Variants in SHISA6 observed in about 807,000 individuals in gnomAD.
The protein encoded by SHISA6 is shisa family member 6.
In SHISA6, 22 loss-of-function variants were observed where a neutral mutation model predicts 47.9. The ratio of observed to expected loss-of-function variants is 0.46; its 90% CI spans 0.33 to 0.66. The LOEUF (loss-of-function observed/expected upper bound fraction) is 0.66. Among genes scored for constraint, SHISA6 ranks in the 30% least tolerant of loss-of-function variants. The probability of loss-of-function intolerance (pLI) is 0.02; values close to 1 mark genes in which losing one functional copy is unlikely to be tolerated. For synonymous variants in SHISA6, 388 were observed against 337.8 expected (o/e 1.15, Z -1.63); for missense variants, 680 against 764.6 (o/e 0.89, Z 1.30).
At position 11,559,915 on chromosome 17, in the gene SHISA6, G is replaced by C. The variant is rs552741154; in HGVS notation, c.*1611G>C. 6 of 152,380 alleles carry C rather than the reference G, an allele frequency of 3.9e-5. No individual in the cohort carries two copies. The East Asian group carries it at 1.2e-3, about 29-fold the overall frequency. The allele number at this position is 152,380 out of a possible 1,614,324, so 9.4% of individuals were successfully genotyped here. ...AGGGGTTCCCTCATTCTCAGGGCCAGGGCACCCGCTGGGTTGGGGCTGGGG... is the reference window on the plus strand; with the variant it reads ...AGGGGTTCCCTCATTCTCAGGGCCACGGCACCCGCTGGGTTGGGGCTGGGG... On this transcript the variant is annotated 3_prime_UTR_variant, in exon 6 of 6. Coordinates refer to ENST00000441885, the MANE Select transcript of SHISA6 (RefSeq NM_207386.4). The surrounding 1 kb of genome is among the most constrained non-coding windows in gnomAD (Gnocchi z 4.4).
At chr17:11,423,239 G>GTGTGTATA (rs71367331) in intron 3 of SHISA6, among the ~76,000 whole-genome samples, 13 of 134,632 alleles carry the variant, frequency 9.7e-5, no homozygotes, top group African/African-American at 3.5e-4. Flanking sequence ...GTGTGTGTGT[G>GTGTGTATA]TATATATATA....
chr17:11,255,089 A>G (rs966334631), intron 1 of SHISA6, among the ~76,000 whole-genome samples: 1 of 152,194 alleles, frequency 6.6e-6, no homozygotes, highest in Non-Finnish European at 1.5e-5. Context: ...ACAGGACAGG[A>G]GTGTTTGCCT....
chr17:11,310,829 C>G (rs1910302364), intron 2 of SHISA6, among the ~76,000 whole-genome samples: 1 of 152,082 alleles, frequency 6.6e-6, no homozygotes, highest in Non-Finnish European at 1.5e-5. Flanking sequence ...AAAAATTAGG[C>G]TGGGCGCTGT....
chr17:11,335,562 G>A (rs576573322), intron 2 of SHISA6, among the ~76,000 whole-genome samples: 1 of 152,286 alleles, frequency 6.6e-6, no homozygotes, highest in South Asian at 2.1e-4. Flanking sequence ...TTCCTCTTGA[G>A]TAGTGCAGAA....
chr17:11,494,937 C>T (rs536375324), intron 3 of SHISA6, among the ~76,000 whole-genome samples: 1 of 152,286 alleles, frequency 6.6e-6, no homozygotes, highest in East Asian at 1.9e-4. Flanking sequence ...AACTGCCCAT[C>T]ACAGTACAGC....
At chr17:11,353,427 A>T (rs897922627) in intron 2 of SHISA6, among the ~76,000 whole-genome samples, 1 of 151,420 alleles carries the variant, frequency 6.6e-6, no homozygotes, top group African/African-American at 2.4e-5. Flanking sequence ...ACCGCACTCC[A>T]GCCTGGCAAC....
In SHISA6 at chr17:11,562,523, T is replaced by C. The variant is rs1239439867; in HGVS notation, c.*4219T>C. ...CAGCATTTTAATGGCAGATTCAATA[T>C]GAAGGACATGTCTTCCTGGGCTCTA... On this transcript the variant is annotated 3_prime_UTR_variant, in exon 6 of 6. Coordinates refer to ENST00000441885, the MANE Select transcript of SHISA6 (RefSeq NM_207386.4). The C allele has an allele frequency of 6.6e-6, 1 of 152,152 alleles. No homozygotes were observed. Among genetic ancestry groups the C allele is most frequent in the Non-Finnish European group, 1.5e-5 (1 of 68,026 alleles). The allele number at this position is 152,152 out of a possible 1,614,324, so 9.4% of individuals were successfully genotyped here.
intron 5 of SHISA6, among the ~76,000 whole-genome samples, chr17:11,556,183 C>T (rs573809113): frequency 6.6e-6 from 1 of 152,250 alleles, no homozygotes; most frequent in East Asian, 1.9e-4. Context: ...AAGCCTTCTC[C>T]CAGTCCCGCA....
At chr17:11,423,329 A>ATAT (rs1491312332) in intron 3 of SHISA6, among the ~76,000 whole-genome samples, 3 of 9,836 alleles carry the variant, frequency 3.1e-4, no homozygotes, top group African/African-American at 2.2e-3. Flanking sequence ...ACATATATAT[A>ATAT]GATAGATAGA....
intron 3 of SHISA6, among the ~76,000 whole-genome samples, chr17:11,442,202 G>A (rs9905148): frequency 0.02 from 3,020 of 152,266 alleles, 91 homozygotes; most frequent in African/African-American, 0.069. Context: ...CTGTTTTGTA[G>A]CTAAAGAAGT....
intron 1 of SHISA6, among the ~76,000 whole-genome samples, chr17:11,263,102 G>T (rs927687530): frequency 6.6e-6 from 1 of 152,148 alleles, no homozygotes. Flanking sequence ...TTTTGAAAGG[G>T]CTCAGAGTTT....
intron 2 of SHISA6, among the ~76,000 whole-genome samples, chr17:11,305,820 G>A (rs899970348): frequency 5.3e-5 from 8 of 152,240 alleles, no homozygotes; most frequent in Admixed American, 6.5e-5. Context: ...GTCTCGGAGC[G>A]GAGGCCAACA....
At chr17:11,532,480 C>T (rs191372604) in intron 3 of SHISA6, among the ~76,000 whole-genome samples, 13 of 152,030 alleles carry the variant, frequency 8.6e-5, no homozygotes, top group South Asian at 8.3e-4. Context: ...AGGCTGTGCG[C>T]GCGCGTGTGT....
At chr17:11,554,840 T>C (rs148578416) in intron 4 of SHISA6, among the ~76,000 whole-genome samples, 1 of 152,210 alleles carries the variant, frequency 6.6e-6, no homozygotes, top group East Asian at 1.9e-4. Flanking sequence ...CGGCCCTGCA[T>C]GCCCCCTCTC....
intron 3 of SHISA6, among the ~76,000 whole-genome samples, chr17:11,397,395 CTGTGTGTGTGTGTG>C (rs3034221): frequency 1.4e-5 from 2 of 140,428 alleles, no homozygotes; most frequent in African/African-American, 2.8e-5. Flanking sequence ...TTACCTGCCT[CTGTGTGTGTGTGTG>C]TGTGTGTGTG....
chr17:11,326,608 G>A (rs888156498), intron 2 of SHISA6, among the ~76,000 whole-genome samples: 2 of 152,178 alleles, frequency 1.3e-5, no homozygotes, highest in African/African-American at 4.8e-5. Flanking sequence ...CCGAATCCTA[G>A]ACCATCTGTC....
chr17:11,279,907 C>T (rs1909063805), intron 2 of SHISA6, among the ~76,000 whole-genome samples: 1 of 152,140 alleles, frequency 6.6e-6, no homozygotes, highest in Non-Finnish European at 1.5e-5. Context: ...GGGCAAACAC[C>T]TGGCTCCTTA....
At chr17:11,509,733 G>A (rs1016258457) in intron 3 of SHISA6, among the ~76,000 whole-genome samples, 3 of 152,230 alleles carry the variant, frequency 2.0e-5, no homozygotes, top group African/African-American at 7.2e-5. Context: ...GAAATGGAGT[G>A]AGTTGGGCGG....
chr17:11,460,279 G>A (rs17772783), intron 3 of SHISA6, among the ~76,000 whole-genome samples: 40,443 of 152,074 alleles, frequency 0.27, 5,551 homozygotes, highest in Middle Eastern at 0.37. Context: ...TAGGCTAGGC[G>A]CCGGGATGGT....
Sources: allele counts gnomAD v4.1 joint callset (sites outside exome capture counted in the v4.1 genomes callset), GRCh38; gene constraint gnomAD v4.1.1; non-coding constraint Gnocchi (gnomAD v3.1); transcripts MANE v1.5; gene names NCBI Gene and HGNC (gene_info 2026-07-23, HGNC 2026-07-21).